The following MVB12B variants were observed in gnomAD, a reference collection of about 807,000 sequenced individuals.
MVB12B encodes the protein ESCRT-I complex subunit MVB12B.
Under a neutral mutation model 41.6 loss-of-function variants are expected in MVB12B, and 16 were observed. The observed-to-expected ratio is 0.38, with a 90% CI of 0.26 to 0.58. The LOEUF (loss-of-function observed/expected upper bound fraction) is 0.58. MVB12B is among the 20% of genes least tolerant of loss of function. The probability of loss-of-function intolerance (pLI) is 0.62; values close to 1 mark genes in which losing one functional copy is unlikely to be tolerated. For synonymous variants in MVB12B, 133 were observed against 139.7 expected (o/e 0.95, Z 0.34); for missense variants, 274 against 380.2 (o/e 0.72, Z 2.32).
At chr9:126,491,879 G>A (rs964511487) in intron 9 of MVB12B, among the ~76,000 whole-genome samples, 2 of 152,094 alleles carry the variant, frequency 1.3e-5, no homozygotes, top group African/African-American at 2.4e-5. Context: ...CTCTACAAGC[G>A]TCTGACCACA....
chr9:126,455,944 G>A (rs1479993387), intron 7 of MVB12B, among the ~76,000 whole-genome samples: 3 of 125,762 alleles, frequency 2.4e-5, no homozygotes, highest in Non-Finnish European at 4.7e-5. Context: ...AGGCTGGAAT[G>A]CAATGGTGTG....
Position 126,376,525 on chromosome 9 carries a change from C to T in MVB12B, c.205-4539C>T. 1.6e-6 allele frequency: 2 copies of T among 1,289,282 alleles called. No homozygotes were observed. Among genetic ancestry groups the T allele is most frequent in the Non-Finnish European group, 2.0e-6 (2 of 988,858 alleles). The allele number at this position is 1,289,282 out of a possible 1,614,324, so 79.9% of individuals were successfully genotyped here. A position where few individuals can be genotyped will look rare whatever the true frequency, so the allele number is the denominator to read the frequency against. ...GTGTGCTACACAGTGGGGCGACGAG[C>T]AGGGAGCTGGCTCAGATCGTGGGCT... On this transcript the variant is annotated intron_variant, in intron 2 of 9. Coordinates refer to ENST00000361171, the MANE Select transcript of MVB12B (RefSeq NM_033446.3). The surrounding 1 kb of genome is among the most constrained non-coding windows in gnomAD (Gnocchi z 4.1).
chr9:126,400,969 A>C (rs188989200), intron 6 of MVB12B, among the ~76,000 whole-genome samples: 2 of 152,136 alleles, frequency 1.3e-5, no homozygotes, highest in Non-Finnish European at 1.5e-5. Context: ...GTTTATGTGA[A>C]CATCCATCCT....
intron 7 of MVB12B, among the ~76,000 whole-genome samples, chr9:126,455,021 T>C (rs993121029): frequency 1.3e-5 from 2 of 152,022 alleles, no homozygotes; most frequent in African/African-American, 4.8e-5. Flanking sequence ...CCAGGAAGGA[T>C]CTTGAACCAC....
At chr9:126,463,499 A>C (rs1280746475) in intron 7 of MVB12B, among the ~76,000 whole-genome samples, 1 of 152,240 alleles carries the variant, frequency 6.6e-6, no homozygotes, top group Non-Finnish European at 1.5e-5. Flanking sequence ...GTACCAACTC[A>C]CACAAAATAG....
intron 7 of MVB12B, among the ~76,000 whole-genome samples, chr9:126,474,917 C>T (rs994540546): frequency 6.6e-6 from 1 of 152,308 alleles, no homozygotes; most frequent in African/African-American, 2.4e-5. Context: ...TGGCTCTGAG[C>T]GCCCCACTCA....
intron 7 of MVB12B, among the ~76,000 whole-genome samples, chr9:126,479,717 C>T (rs2119203002): frequency 6.6e-6 from 1 of 152,312 alleles, no homozygotes; most frequent in Non-Finnish European, 1.5e-5. Flanking sequence ...CACTGGGCAG[C>T]GGCCCTTCCA....
chr9:126,416,730 T>A (rs1297595567), intron 6 of MVB12B, among the ~76,000 whole-genome samples: 1 of 152,178 alleles, frequency 6.6e-6, no homozygotes, highest in Non-Finnish European at 1.5e-5. Flanking sequence ...AGTTTCCTAT[T>A]CTGTTAAATG....
intron 1 of MVB12B, among the ~76,000 whole-genome samples, chr9:126,328,914 A>G (rs1204006462): frequency 2.0e-5 from 3 of 151,986 alleles, no homozygotes; most frequent in Non-Finnish European, 4.4e-5. Flanking sequence ...TCCCAAGTAT[A>G]GGTGCCTGCC....
chr9:126,396,696 T>TA (rs1831123872), intron 6 of MVB12B: 1 of 985,236 alleles, frequency 1.0e-6, no homozygotes, highest in Non-Finnish European at 1.2e-6. Flanking sequence ...CTCTGGGACA[T>TA]CCCCCTATAA....
chr9:126,335,527 C>A, intron 1 of MVB12B: 2 of 630,652 alleles, frequency 3.2e-6, no homozygotes, highest in Non-Finnish European at 5.3e-6. Flanking sequence ...GTCCTTCTGT[C>A]CCTTGCTTGC....
At position 126,350,476 on chromosome 9, in the gene MVB12B, C is replaced by A. The variant is rs144684403; in HGVS notation, c.204+9846C>A. Among the ~76,000 whole-genome samples, 5 of 152,312 alleles carry A rather than the reference C, an allele frequency of 3.3e-5. No homozygotes were observed. In the East Asian group the frequency reaches 9.6e-4, roughly 29 times the overall value. ...TTTTATAGTTTTACATTAACACTTA[C>A]GTCTGTGATCCATTTTTTCCTTAAT... On this transcript the variant is annotated intron_variant, in intron 2 of 9. Coordinates refer to ENST00000361171, the MANE Select transcript of MVB12B (RefSeq NM_033446.3).
intron 6 of MVB12B, among the ~76,000 whole-genome samples, chr9:126,409,116 G>GC (rs1831541481): frequency 8.8e-6 from 1 of 113,814 alleles, no homozygotes; most frequent in Non-Finnish European, 1.8e-5. Flanking sequence ...CTTCCATTGT[G>GC]GGGGGGGGCT....
chr9:126,421,057 C>T (rs930716751), intron 6 of MVB12B, among the ~76,000 whole-genome samples: 3 of 152,074 alleles, frequency 2.0e-5, no homozygotes, highest in South Asian at 2.1e-4. Context: ...TTGTTTTTTT[C>T]CCCCAGTCCT....
intron 2 of MVB12B, among the ~76,000 whole-genome samples, chr9:126,362,660 T>C (rs561409366): frequency 2.6e-5 from 4 of 152,318 alleles, no homozygotes; most frequent in Admixed American, 1.3e-4. Context: ...TAGGCCCAAA[T>C]TGCTTTAAAG....
intron 8 of MVB12B, among the ~76,000 whole-genome samples, chr9:126,482,215 C>T (rs945202654): frequency 6.6e-6 from 1 of 152,274 alleles, no homozygotes; most frequent in Non-Finnish European, 1.5e-5. Flanking sequence ...CGCAGGCTTG[C>T]CCCACGCTGG....
chr9:126,401,537 T>G (rs545866077), intron 6 of MVB12B, among the ~76,000 whole-genome samples: 1 of 152,252 alleles, frequency 6.6e-6, no homozygotes. Flanking sequence ...AACTTTTGCA[T>G]GTCGATGTCA....
chr9:126,444,413 G>A (rs1832715890), intron 7 of MVB12B, among the ~76,000 whole-genome samples: 1 of 151,882 alleles, frequency 6.6e-6, no homozygotes, highest in Admixed American at 6.6e-5. Context: ...GGAAGGTGAA[G>A]GGGTATTTTA....
intron 7 of MVB12B, among the ~76,000 whole-genome samples, chr9:126,463,286 G>A (rs1391696344): frequency 6.6e-6 from 1 of 152,182 alleles, no homozygotes; most frequent in Admixed American, 6.5e-5. Flanking sequence ...TGCACCATGA[G>A]GACTGTCAGC....
Sources: allele counts gnomAD v4.1 joint callset (sites outside exome capture counted in the v4.1 genomes callset), GRCh38; gene constraint gnomAD v4.1.1; non-coding constraint Gnocchi (gnomAD v3.1); transcripts MANE v1.5; gene names NCBI Gene and HGNC (gene_info 2026-07-23, HGNC 2026-07-21).